OTUD5: variants seen among roughly 807,000 people sequenced by gnomAD.
The protein encoded by OTUD5 is OTU domain-containing protein 5.
A neutral mutation model predicts 36.3 loss-of-function variants in OTUD5; 2 were observed. The observed-to-expected ratio is 0.06, with a 90% CI of 0.02 to 0.17. OTUD5 has a LOEUF of 0.17. OTUD5 is among the 10% of genes least tolerant of loss of function. The pLI is 1.00. For synonymous variants in OTUD5, 234 were observed against 214.9 expected (o/e 1.09, Z -0.78); for missense variants, 233 against 512.3 (o/e 0.45, Z 5.26).
intron 5 of OTUD5, among the ~76,000 whole-genome samples, chrX:48,928,599 G>A (rs1311901741): frequency 1.8e-5 from 2 of 111,132 alleles, no homozygotes; most frequent in Admixed American, 9.6e-5. Flanking sequence ...GGCCAAGGCG[G>A]GAGGATCACT....
In OTUD5 at chrX:48,923,686, T is replaced by G. The variant is rs1458653255; in HGVS notation, c.1526A>C (p.Tyr509Ser). The stretch of plus-strand genomic sequence containing the variant: ...GAGGGCCCGGCACTCCAAAGCAGGG[T>G]AGAGGGACACAAGGGGGGAAGTTGC... ...DRATSPLVSL[Y>S]PALECRALIQ... The change falls in exon 8 of 9, where the codon TAC (tyrosine) becomes TCC (serine). Residue 509 changes from tyrosine to serine, a missense_variant. Physicochemically the swap from Tyr to Ser is moderately radical, Grantham distance 144. Coordinates refer to ENST00000376488, the MANE Select transcript of OTUD5 (RefSeq NM_001136157.2). The G allele has an allele frequency of 8.3e-7, 1 of 1,207,244 alleles. No individual in the cohort carries two copies. The highest frequency in any genetic ancestry group is 1.8e-5 in the African/African-American group (1 of 56,855).
At chrX:48,932,992 C>T (rs1418784144) in intron 5 of OTUD5, among the ~76,000 whole-genome samples, 3 of 108,998 alleles carry the variant, frequency 2.8e-5, no homozygotes, top group Non-Finnish European at 5.7e-5. Context: ...TCTCTCCACC[C>T]GCCCACCAAA....
At chrX:48,930,649 C>A (rs2063737287) in intron 5 of OTUD5, among the ~76,000 whole-genome samples, 1 of 111,634 alleles carries the variant, frequency 9.0e-6, no homozygotes, top group Admixed American at 9.5e-5. Flanking sequence ...CAATACATGC[C>A]AGGGCTCTCT....
At chrX:48,925,346 G>A (rs1054161126) in intron 6 of OTUD5, among the ~76,000 whole-genome samples, 1 of 107,276 alleles carries the variant, frequency 9.3e-6, no homozygotes, top group Admixed American at 1.0e-4. Flanking sequence ...AACTCCTTGC[G>A]ATTTTACAAT....
At chrX:48,945,669 G>A (rs1178334479) in intron 1 of OTUD5, among the ~76,000 whole-genome samples, 1 of 110,702 alleles carries the variant, frequency 9.0e-6, no homozygotes, top group Non-Finnish European at 1.9e-5. Flanking sequence ...TTTCAATGCA[G>A]AAAACATTCA....
chrX:48,923,193 G>A lies in OTUD5; in HGVS notation c.1682C>T (p.Pro561Leu), dbSNP rs1569513069. 5 of 1,205,291 alleles carry A rather than the reference G, an allele frequency of 4.1e-6. No homozygotes were observed. The highest frequency in any genetic ancestry group is 3.0e-5 in the East Asian group (1 of 33,715). Reference sequence around the variant, plus strand: ...TCTCCATCAACTCTTGTCTGGGGGCGGGTCTCTGTGCACTTTGTTTTTCTT... The same window carrying A: ...TCTCCATCAACTCTTGTCTGGGGGCAGGTCTCTGTGCACTTTGTTTTTCTT... ...SMKKNKVHRDPPPDKS is the reference protein window; with the variant it reads ...SMKKNKVHRDLPPDKS Residue 561 changes from proline to leucine, a missense_variant, in exon 9 of 9, where the codon CCG (proline) becomes CTG (leucine). By Grantham distance (98) the Pro-to-Leu change is moderately conservative. This residue lies in a region of OTUD5 where 57 missense variants were observed against 133.1 expected (regional missense o/e 0.43). Coordinates refer to ENST00000376488, the MANE Select transcript of OTUD5 (RefSeq NM_001136157.2).
rs372900040 is a variant in OTUD5, at chrX:48,951,913, G to A, written c.594+5064C>T. 5.1e-4 allele frequency among the ~76,000 whole-genome samples: 56 copies of A among 109,945 alleles called. No homozygotes were observed. The South Asian group carries it at 9.7e-3, about 19-fold the overall frequency. ...TCTACTAAATATACAAAAATTAGCC[G>A]GGTGTGGTGGCAGATGCCTGTAGCC... On this transcript the variant is annotated intron_variant, in intron 1 of 8. Transcript: ENST00000376488.
At chrX:48,945,092 A>G (rs2147638362) in intron 1 of OTUD5, among the ~76,000 whole-genome samples, 1 of 109,678 alleles carries the variant, frequency 9.1e-6, no homozygotes, top group Admixed American at 9.8e-5. Context: ...CTGTGACTGA[A>G]CACATTTAAC....
chrX:48,956,962 C>A lies in OTUD5; in HGVS notation c.594+15G>T. 2 of 1,143,476 alleles carry A rather than the reference C, an allele frequency of 1.7e-6. No individual in the cohort carries two copies. Among genetic ancestry groups the A allele is most frequent in the Non-Finnish European group, 1.2e-6 (1 of 860,780 alleles). 94.2% of individuals were successfully genotyped at this position (1,143,476 alleles called of 1,213,427 possible). On this transcript the variant is annotated intron_variant, in intron 1 of 8. Coordinates refer to ENST00000376488, the MANE Select transcript of OTUD5 (RefSeq NM_001136157.2). ...ATCTGCCGTGGCCGCTCACCCCTCACCCCACAGCTCTTACCTGCTCGACAG... is the reference window on the plus strand; with the variant it reads ...ATCTGCCGTGGCCGCTCACCCCTCAACCCACAGCTCTTACCTGCTCGACAG...
At position 48,925,915 on chromosome X, in the gene OTUD5, G is replaced by T; in HGVS notation, c.1195C>A (p.Arg399=). ...CGCAACCACTGCAGGTAGGATTCCC[G>T]AGCCACCTGCTCCTCGATGGCTTCA... ...TNEAIEEQVA[R]ESYLQWLRDQ... is the part of the protein sequence containing the mutation. Residue 399 remains arginine (R), a synonymous_variant, in exon 6 of 9, where the codon CGG becomes AGG. Transcript: ENST00000376488. The T allele has an allele frequency of 8.3e-7, 1 of 1,210,932 alleles. No individual in the cohort carries two copies. Among genetic ancestry groups the T allele is most frequent in the East Asian group, 3.0e-5 (1 of 33,843 alleles).
In OTUD5 at chrX:48,955,471, G is replaced by C. The variant is rs1191073260; in HGVS notation, c.594+1506C>G. On this transcript the variant is annotated intron_variant, in intron 1 of 8. Transcript: ENST00000376488. ...CAGGTGTACATCTTAAGTTCCTTGAGGAGGAAGCTCAGACCTTACCTCTAG... is the reference window on the plus strand; with the variant it reads ...CAGGTGTACATCTTAAGTTCCTTGACGAGGAAGCTCAGACCTTACCTCTAG... 5.4e-5 allele frequency among the ~76,000 whole-genome samples: 6 copies of C among 111,576 alleles called. No homozygotes were observed. In the Admixed American group the frequency reaches 5.7e-4, roughly 11 times the overall value.
chrX:48,945,802 C>T (rs1453262834), intron 1 of OTUD5, among the ~76,000 whole-genome samples: 1 of 110,816 alleles, frequency 9.0e-6, no homozygotes, highest in African/African-American at 3.3e-5. Context: ...CCTGGCACCA[C>T]GAAGGTTCAA....
chrX:48,942,339 G>A (rs1557051352), intron 2 of OTUD5, among the ~76,000 whole-genome samples: 3 of 66,136 alleles, frequency 4.5e-5, no homozygotes, highest in Non-Finnish European at 5.4e-5. Context: ...CACACACACG[G>A]CTCTTGATAT....
chrX:48,940,946 T>C (rs1400116071), intron 2 of OTUD5: 1 of 111,117 alleles, frequency 9.0e-6, no homozygotes, highest in Non-Finnish European at 1.9e-5. Context: ...CTAAAGCAAA[T>C]GGTAGGACCC....
chrX:48,923,326 A>T (rs1557046774), intron 8 of OTUD5, 31 bp from the exon 9 acceptor site: 1 of 1,122,316 alleles, frequency 8.9e-7, no homozygotes, highest in African/African-American at 1.8e-5. Flanking sequence ...GAAAAGGATG[A>T]TGGAGCGCTC....
At chrX:48,952,430 T>C (rs1425432170) in intron 1 of OTUD5, among the ~76,000 whole-genome samples, 1 of 112,532 alleles carries the variant, frequency 8.9e-6, no homozygotes, top group Non-Finnish European at 1.9e-5. Flanking sequence ...TAAAAGCCAC[T>C]GAACTGTACA....
chrX:48,943,578 T>C (rs2063969851), intron 2 of OTUD5, among the ~76,000 whole-genome samples: 1 of 111,180 alleles, frequency 9.0e-6, no homozygotes, highest in Non-Finnish European at 1.9e-5. Flanking sequence ...GGTTCATCAT[T>C]CTCTCTACTT....
chrX:48,923,596 C>CT, intron 8 of OTUD5, 37 bp downstream of exon 8: 1 of 1,028,574 alleles, frequency 9.7e-7, no homozygotes, highest in Non-Finnish European at 1.4e-6. Flanking sequence ...CTCCCAGCTC[C>CT]TAGCAGCCTC....
At chrX:48,933,294 C>G (rs6609810) in intron 5 of OTUD5, among the ~76,000 whole-genome samples, 1 of 110,576 alleles carries the variant, frequency 9.0e-6, no homozygotes, top group East Asian at 2.8e-4. Flanking sequence ...CTAAGGTAAT[C>G]TGAGTCAAGT....
Sources: allele counts gnomAD v4.1 joint callset (sites outside exome capture counted in the v4.1 genomes callset), GRCh38; gene constraint gnomAD v4.1.1; regional missense constraint gnomAD v4.1.1; transcripts MANE v1.5; gene names NCBI Gene and HGNC (gene_info 2026-07-23, HGNC 2026-07-21).